The following ADAMTSL3 variants were observed in gnomAD, a reference collection of about 807,000 sequenced individuals.
ADAMTSL3 encodes the protein ADAMTS like 3.
ADAMTSL3 carries 128 observed loss-of-function variants against 201.7 expected under a neutral mutation model. That is an observed-to-expected ratio of 0.63 (90% confidence interval 0.55 to 0.73). ADAMTSL3 has a LOEUF of 0.73. Among genes scored for constraint, ADAMTSL3 ranks in the 30% least tolerant of loss-of-function variants. ADAMTSL3 has a pLI of 0.00. For synonymous variants in ADAMTSL3, 738 were observed against 748.4 expected (o/e 0.99, Z 0.23); for missense variants, 1,990 against 2,119.6 (o/e 0.94, Z 1.20).
intron 13 of ADAMTSL3, among the ~76,000 whole-genome samples, chr15:83,894,779 C>T (rs2065579217): frequency 1.3e-5 from 2 of 151,300 alleles, no homozygotes; most frequent in South Asian, 4.2e-4. Context: ...TTAAAATATT[C>T]CTCTGAATTG....
intron 7 of ADAMTSL3, among the ~76,000 whole-genome samples, chr15:83,845,440 T>C (rs931332657): frequency 3.9e-5 from 6 of 152,202 alleles, no homozygotes; most frequent in Non-Finnish European, 5.9e-5. Context: ...CTAAATGATA[T>C]TGTGCAATAG....
intron 2 of ADAMTSL3, among the ~76,000 whole-genome samples, chr15:83,695,150 A>ATG (rs930022348): frequency 2.4e-5 from 1 of 41,596 alleles, no homozygotes; most frequent in Non-Finnish European, 5.0e-5. Flanking sequence ...TGGTGTAGGT[A>ATG]TGTGTGTGTG....
chr15:83,787,980 T>C (rs1029023650), intron 4 of ADAMTSL3, among the ~76,000 whole-genome samples: 1 of 152,160 alleles, frequency 6.6e-6, no homozygotes, highest in Admixed American at 6.5e-5. Context: ...ATTATGAAGG[T>C]ATATTATTAT....
intron 26 of ADAMTSL3, among the ~76,000 whole-genome samples, chr15:84,023,756 C>T (rs1469505912): frequency 6.6e-6 from 1 of 152,156 alleles, no homozygotes; most frequent in African/African-American, 2.4e-5. Context: ...CACTTTCATA[C>T]CTAGAAGAGA....
chr15:83,834,196 A>G lies in ADAMTSL3; in HGVS notation c.601-3893A>G, dbSNP rs369634687. ...ACACATTTTTTACATAATAACTGCAATAGTGCAAGGGGAACATGAGACTCA... is the reference window on the plus strand; with the variant it reads ...ACACATTTTTTACATAATAACTGCAGTAGTGCAAGGGGAACATGAGACTCA... On this transcript the variant is annotated intron_variant, in intron 6 of 29. Coordinates refer to ENST00000286744, the MANE Select transcript of ADAMTSL3 (RefSeq NM_207517.3). 1.8e-4 allele frequency among the ~76,000 whole-genome samples: 28 copies of G among 152,348 alleles called. 1 individual carries two copies. In the East Asian group the frequency reaches 2.7e-3, roughly 15 times the overall value.
chr15:83,833,740 G>A (rs2064206129), intron 6 of ADAMTSL3, among the ~76,000 whole-genome samples: 1 of 152,158 alleles, frequency 6.6e-6, no homozygotes, highest in Admixed American at 6.6e-5. Context: ...GCTTAGTACG[G>A]GGATTAAAAC....
chr15:83,821,876 C>T (rs1221493057), intron 6 of ADAMTSL3, among the ~76,000 whole-genome samples: 3 of 147,182 alleles, frequency 2.0e-5, no homozygotes, highest in African/African-American at 7.6e-5. Context: ...TGGGGGCTGA[C>T]CCCCCCAACT....
chr15:83,667,402 GGA>G (rs1195690732), intron 2 of ADAMTSL3, among the ~76,000 whole-genome samples: 1 of 151,976 alleles, frequency 6.6e-6, no homozygotes, highest in African/African-American at 2.4e-5. Flanking sequence ...GTATAATGGA[GGA>G]GTAACAAAAG....
intron 16 of ADAMTSL3, among the ~76,000 whole-genome samples, chr15:83,918,044 A>G (rs996542260): frequency 1.3e-5 from 2 of 152,154 alleles, no homozygotes; most frequent in African/African-American, 2.4e-5. Flanking sequence ...AATACTTCTA[A>G]TCATTTTTCA....
intron 3 of ADAMTSL3, among the ~76,000 whole-genome samples, chr15:83,757,734 T>C (rs932899582): frequency 1.3e-5 from 2 of 152,256 alleles, no homozygotes; most frequent in African/African-American, 4.8e-5. Flanking sequence ...TTTTATGCTC[T>C]GTTTTCATTT....
At chr15:83,975,744 G>T (rs928688430) in intron 20 of ADAMTSL3, among the ~76,000 whole-genome samples, 9 of 152,120 alleles carry the variant, frequency 5.9e-5, no homozygotes, top group African/African-American at 2.2e-4. Flanking sequence ...AAAGTAGGGG[G>T]TGTCAAATGG....
intron 23 of ADAMTSL3, among the ~76,000 whole-genome samples, chr15:83,995,158 G>A (rs946045723): frequency 2.0e-4 from 31 of 152,132 alleles, no homozygotes; most frequent in African/African-American, 4.3e-4. Flanking sequence ...CTCTTGGGTC[G>A]GCGGAGACAG....
intron 15 of ADAMTSL3, among the ~76,000 whole-genome samples, chr15:83,907,106 AAAAAAAAAAAG>A (rs1018798180): frequency 3.9e-5 from 5 of 126,848 alleles, no homozygotes; most frequent in East Asian, 4.9e-4. Flanking sequence ...GGAAAAAAAA[AAAAAAAAAAAG>A]AGAGAGTCTA....
chr15:83,901,109 G>C (rs1010860633), intron 15 of ADAMTSL3, among the ~76,000 whole-genome samples: 2 of 152,188 alleles, frequency 1.3e-5, no homozygotes, highest in Non-Finnish European at 2.9e-5. Context: ...CTCATGACAG[G>C]CACAGACTTC....
Position 83,944,678 on chromosome 15 carries a change from CA to C in ADAMTSL3, c.2490+1597del, listed in dbSNP as rs1170311316. 2.6e-5 allele frequency among the ~76,000 whole-genome samples: 4 copies of C among 152,212 alleles called. 1 individual carries two copies. The highest frequency in any genetic ancestry group is 9.6e-5 in the African/African-American group (4 of 41,452). Reference sequence around the variant, plus strand: ...AGGCCTGTGTGACCCAAAATTATTACACATGTATACACTCCTGTCTTTTATG... The same window carrying C: ...AGGCCTGTGTGACCCAAAATTATTACCATGTATACACTCCTGTCTTTTATG... On this transcript the variant is annotated intron_variant, in intron 19 of 29. Coordinates refer to ENST00000286744, the MANE Select transcript of ADAMTSL3 (RefSeq NM_207517.3).
chr15:83,818,670 T>G (rs1327515934), intron 5 of ADAMTSL3, among the ~76,000 whole-genome samples: 7 of 152,304 alleles, frequency 4.6e-5, no homozygotes, highest in Middle Eastern at 6.8e-3. Context: ...TTATGAAGTT[T>G]GCATATCAAA....
intron 17 of ADAMTSL3, among the ~76,000 whole-genome samples, chr15:83,925,588 T>C (rs2066231001): frequency 6.6e-6 from 1 of 152,210 alleles, no homozygotes. Flanking sequence ...GAAGGTTTGA[T>C]GTAACTAGGA....
chr15:83,824,158 C>G (rs900517249), intron 6 of ADAMTSL3, among the ~76,000 whole-genome samples: 1 of 151,840 alleles, frequency 6.6e-6, no homozygotes, highest in African/African-American at 2.4e-5. Flanking sequence ...ATCCTCCTGC[C>G]TCAGCCTCCC....
At chr15:83,747,964 T>A (rs1339995437) in intron 3 of ADAMTSL3, among the ~76,000 whole-genome samples, 1 of 151,834 alleles carries the variant, frequency 6.6e-6, no homozygotes, top group East Asian at 1.9e-4. Flanking sequence ...AGTGTCTGCT[T>A]GGCGTCTCCT....
Sources: allele counts gnomAD v4.1 joint callset (sites outside exome capture counted in the v4.1 genomes callset), GRCh38; gene constraint gnomAD v4.1.1; transcripts MANE v1.5; gene names NCBI Gene and HGNC (gene_info 2026-07-23, HGNC 2026-07-21).